The following GRK3 variants were observed in gnomAD, a reference collection of about 807,000 sequenced individuals.
The protein encoded by GRK3 is adrenergic, beta, receptor kinase 2.
In GRK3, 54 loss-of-function variants were observed where a neutral mutation model predicts 95.7. That is an observed-to-expected ratio of 0.56 (90% CI 0.45 to 0.71). The LOEUF (loss-of-function observed/expected upper bound fraction) is 0.71, where lower values mean the gene tolerates loss of function less well. GRK3 is among the 30% of genes least tolerant of loss of function. The pLI is 0.00. For synonymous variants in GRK3, 281 were observed against 290.8 expected (o/e 0.97, Z 0.34); for missense variants, 649 against 851.2 (o/e 0.76, Z 2.96).
chr22:25,679,740 G>GA (rs2085060627), intron 9 of GRK3, among the ~76,000 whole-genome samples: 1 of 152,128 alleles, frequency 6.6e-6, no homozygotes, highest in South Asian at 2.1e-4. Context: ...GACAGAGAGG[G>GA]AGAGGCATGG....
At chr22:25,614,006 CA>C (rs796143373) in intron 2 of GRK3, among the ~76,000 whole-genome samples, 30 of 149,268 alleles carry the variant, frequency 2.0e-4, no homozygotes, top group Admixed American at 3.3e-4. Context: ...TCGCCCCACC[CA>C]AAAAAAAATT....
chr22:25,582,081 A>T (rs1479394837), intron 1 of GRK3, among the ~76,000 whole-genome samples: 1 of 152,208 alleles, frequency 6.6e-6, no homozygotes, highest in Non-Finnish European at 1.5e-5. Context: ...GTTCGAGACC[A>T]GCCTGGCCGA....
chr22:25,664,309 C>A (rs969974125), intron 5 of GRK3, among the ~76,000 whole-genome samples: 1 of 152,144 alleles, frequency 6.6e-6, no homozygotes. Flanking sequence ...AAAGCCTTTT[C>A]CATCCTGTGT....
rs189375524 is a variant in GRK3 at position 25,565,616 on chromosome 22, T to C, written c.113+463T>C. ...TTGGTCCCCCTTTCCAACTCCATCC[T>C]CTCACCTCCCTCTGGGCCGCTTACC... On this transcript the variant is annotated intron_variant, in intron 1 of 20. Transcript: ENST00000324198. Among the ~76,000 whole-genome samples the C allele has an allele frequency of 4.1e-4, 62 of 152,298 alleles. No individual in the cohort carries two copies. In the Middle Eastern group the frequency reaches 0.01, roughly 25 times the overall value.
chr22:25,585,487 T>C (rs548156849), intron 1 of GRK3, among the ~76,000 whole-genome samples: 3 of 148,096 alleles, frequency 2.0e-5, no homozygotes, highest in African/African-American at 8.0e-5. Context: ...ACCTCATATA[T>C]ATGTCATGTG....
chr22:25,578,446 C>T (rs1230243727), intron 1 of GRK3, among the ~76,000 whole-genome samples: 10 of 152,128 alleles, frequency 6.6e-5, no homozygotes, highest in African/African-American at 2.4e-4. Context: ...AATGATGCCC[C>T]CCTGAAATAT....
intron 8 of GRK3, among the ~76,000 whole-genome samples, chr22:25,677,377 T>TAAA (rs376997700): frequency 3.1e-4 from 13 of 42,524 alleles, no homozygotes; most frequent in Non-Finnish European, 4.3e-4. Flanking sequence ...CCCCATATCT[T>TAAA]AAAAAAAAAA....
At chr22:25,591,611 A>C (rs1181081616) in intron 1 of GRK3, among the ~76,000 whole-genome samples, 1 of 151,912 alleles carries the variant, frequency 6.6e-6, no homozygotes, top group Non-Finnish European at 1.5e-5. Context: ...AATAAAAGAC[A>C]CTCCTATCAG....
chr22:25,659,408 A>G (rs2084895478), intron 3 of GRK3, among the ~76,000 whole-genome samples: 1 of 152,210 alleles, frequency 6.6e-6, no homozygotes, highest in African/African-American at 2.4e-5. Context: ...ACACCTGTGG[A>G]CCAAAAGTGC....
intron 5 of GRK3, among the ~76,000 whole-genome samples, chr22:25,666,598 G>A (rs957177275): frequency 2.6e-5 from 4 of 151,932 alleles, no homozygotes; most frequent in South Asian, 2.1e-4. Flanking sequence ...CCTATCCCGC[G>A]TTGCCCGCCA....
rs780557371 is a variant in GRK3 at position 25,672,313 on chromosome 22, T to C, written c.521T>C (p.Phe174Ser). ...KFMESDKFTR[F>S]CQWKNVELNI... ...TCTTTTAGTGACAAGTTCACTAGAT[T>C]TTGTCAGTGGAAAAACGTTGAATTA... Residue 174 changes from phenylalanine (F) to serine (S), a missense_variant, in exon 7 of 21, where the codon TTT (phenylalanine) becomes TCT (serine). Physicochemically the swap from Phe to Ser is radical, Grantham distance 155. Transcript: ENST00000324198. 2.7e-6 allele frequency: 4 copies of C among 1,468,064 alleles called. No individual in the cohort carries two copies. The highest frequency in any genetic ancestry group is 3.8e-6 in the Non-Finnish European group (4 of 1,063,920). The allele number at this position is 1,468,064 out of a possible 1,614,324, so 90.9% of individuals were successfully genotyped here. A position where few individuals can be genotyped will look rare whatever the true frequency, so the allele number is the denominator to read the frequency against.
chr22:25,610,581 T>G (rs902162021), intron 2 of GRK3, among the ~76,000 whole-genome samples: 1 of 152,232 alleles, frequency 6.6e-6, no homozygotes, highest in African/African-American at 2.4e-5. Flanking sequence ...CAATACAATT[T>G]AAAAACATTT....
intron 13 of GRK3, among the ~76,000 whole-genome samples, chr22:25,695,581 T>G (rs2085200941): frequency 6.6e-6 from 1 of 152,174 alleles, no homozygotes; most frequent in Non-Finnish European, 1.5e-5. Context: ...AATTAATTAT[T>G]CATCATCTTG....
chr22:25,625,311 C>T (rs1486599972), intron 2 of GRK3, among the ~76,000 whole-genome samples: 1 of 152,194 alleles, frequency 6.6e-6, no homozygotes, highest in Non-Finnish European at 1.5e-5. Context: ...AATCCTCGCT[C>T]TGCAATCATA....
chr22:25,640,964 GCCCTAATCT>G (rs930513221), intron 2 of GRK3, among the ~76,000 whole-genome samples: 1 of 152,114 alleles, frequency 6.6e-6, no homozygotes, highest in Non-Finnish European at 1.5e-5. Context: ...CTCATATTTT[GCCCTAATCT>G]AGGCCATGCT....
At chr22:25,624,334 C>A (rs917098756) in intron 2 of GRK3, among the ~76,000 whole-genome samples, 1 of 151,924 alleles carries the variant, frequency 6.6e-6, no homozygotes, top group Admixed American at 6.6e-5. Flanking sequence ...GAGGCCGAGG[C>A]GGGCGGATCA....
chr22:25,693,647 A>G (rs149592493), intron 12 of GRK3, among the ~76,000 whole-genome samples: 1 of 152,316 alleles, frequency 6.6e-6, no homozygotes, highest in Non-Finnish European at 1.5e-5. Flanking sequence ...ACTGTTGGAT[A>G]AAACTCTCAA....
chr22:25,581,477 G>A (rs1161268687), intron 1 of GRK3: 1 of 152,146 alleles, frequency 6.6e-6, no homozygotes, highest in African/African-American at 2.4e-5. Flanking sequence ...AGGATGATGT[G>A]TTTTTTGGAA....
At chr22:25,589,570 G>A (rs1476707883) in intron 1 of GRK3, among the ~76,000 whole-genome samples, 1 of 152,092 alleles carries the variant, frequency 6.6e-6, no homozygotes, top group African/African-American at 2.4e-5. Flanking sequence ...TTGGTGAGGA[G>A]GAGTATAAAA....
Sources: gnomAD v4.1 joint callset for allele counts (sites outside exome capture counted in the v4.1 genomes callset) on GRCh38, gnomAD v4.1.1 for gene constraint, MANE v1.5 for transcripts, NCBI Gene and HGNC (gene_info 2026-07-23, HGNC 2026-07-21) for gene names.